The following AGBL4 variants were observed in gnomAD, a reference collection of about 807,000 sequenced individuals.
The protein encoded by AGBL4 is cytosolic carboxypeptidase 6.
A neutral mutation model predicts 66.4 loss-of-function variants in AGBL4; 58 were observed. The observed-to-expected ratio is 0.87, with a 90% CI of 0.71 to 1.09. The LOEUF is 1.09. Among genes scored for constraint, AGBL4 ranks in the 50% least tolerant of loss-of-function variants. The pLI is 0.00. For missense variants in AGBL4, 579 were observed against 631.0 expected (o/e 0.92, Z 0.88); for synonymous variants, 234 against 222.9 (o/e 1.05, Z -0.44).
intron 3 of AGBL4, among the ~76,000 whole-genome samples, chr1:49,653,717 G>A (rs1458666982): frequency 2.0e-5 from 3 of 151,306 alleles, no homozygotes; most frequent in Non-Finnish European, 2.9e-5. Context: ...CAGAAGAAAG[G>A]ATATAAGAGC....
intron 6 of AGBL4, among the ~76,000 whole-genome samples, chr1:48,802,603 T>C (rs1645834987): frequency 2.6e-5 from 4 of 152,330 alleles, no homozygotes; most frequent in Admixed American, 1.3e-4. Context: ...GGAAGTATGC[T>C]GGGGGCTTCA....
At position 49,492,575 on chromosome 1, in the gene AGBL4, T is replaced by C. The variant is rs1377765587; in HGVS notation, c.282+204738A>G. Reference sequence around the variant, plus strand: ...TGCATCTGTGTTCCTTTTTACCACATATAGGTTTGGTCACTGTATTAATAG... The same window carrying C: ...TGCATCTGTGTTCCTTTTTACCACACATAGGTTTGGTCACTGTATTAATAG... On this transcript the variant is annotated intron_variant, in intron 3 of 13. Transcript: ENST00000371839. 3.3e-5 allele frequency among the ~76,000 whole-genome samples: 5 copies of C among 151,952 alleles called. No individual in the cohort carries two copies. In the East Asian group the frequency reaches 7.7e-4, roughly 24 times the overall value.
chr1:49,383,282 G>A (rs375913651), intron 3 of AGBL4, among the ~76,000 whole-genome samples: 1 of 151,948 alleles, frequency 6.6e-6, no homozygotes, highest in East Asian at 1.9e-4. Flanking sequence ...TCATTATTTT[G>A]CAGAAATACA....
intron 3 of AGBL4, among the ~76,000 whole-genome samples, chr1:49,564,521 G>C (rs1644140807): frequency 6.6e-6 from 1 of 151,938 alleles, no homozygotes; most frequent in Admixed American, 6.6e-5. Flanking sequence ...TCTTCTCGTT[G>C]GTTTCAAAGA....
chr1:49,603,479 C>T lies in AGBL4; in HGVS notation c.282+93834G>A, dbSNP rs567558379. Among the ~76,000 whole-genome samples the T allele has an allele frequency of 4.0e-5, 6 of 151,108 alleles. No homozygotes were observed. In the South Asian group the frequency reaches 1.0e-3, roughly 26 times the overall value. On this transcript the variant is annotated intron_variant, in intron 3 of 13. Transcript: ENST00000371839. The stretch of plus-strand genomic sequence containing the variant: ...GGCAGAGCTTGCAGTGAGCAGAGAT[C>T]GCACCACTGCACTCCAGCCTGGGCG...
intron 2 of AGBL4, among the ~76,000 whole-genome samples, chr1:49,819,165 C>G (rs1399285661): frequency 6.6e-6 from 1 of 152,258 alleles, no homozygotes; most frequent in East Asian, 1.9e-4. Context: ...TTCCAGGGCA[C>G]AGGGTAGAAT....
Position 48,757,485 on chromosome 1 carries a change from G to A in AGBL4, c.635-94244C>T, listed in dbSNP as rs1486678516. ...TGGCCAAGGCAATGGTAGAGTTGGG[G>A]AGTGGACAAAGTCCAGCCTATGAAT... On this transcript the variant is annotated intron_variant, in intron 6 of 13. Coordinates refer to ENST00000371839, the MANE Select transcript of AGBL4 (RefSeq NM_032785.4). Among the ~76,000 whole-genome samples, 5 of 152,186 alleles carry A rather than the reference G, an allele frequency of 3.3e-5. No homozygotes were observed. In the South Asian group the frequency reaches 6.2e-4, roughly 19 times the overall value.
chr1:48,925,579 CA>C (rs1290825998), intron 5 of AGBL4, among the ~76,000 whole-genome samples: 1 of 152,072 alleles, frequency 6.6e-6, no homozygotes, highest in East Asian at 1.9e-4. Flanking sequence ...TGGCCCAAGA[CA>C]ATTATTCTTC....
Position 48,825,749 on chromosome 1 carries a change from G to T in AGBL4, c.634+41442C>A, listed in dbSNP as rs150912112. On this transcript the variant is annotated intron_variant, in intron 6 of 13. Transcript: ENST00000371839. ...AATGCATCATATATGCAAGTACCAAGTGAAAAACTCAGAGCATCTAAGAGA... is the reference window on the plus strand; with the variant it reads ...AATGCATCATATATGCAAGTACCAATTGAAAAACTCAGAGCATCTAAGAGA... Among the ~76,000 whole-genome samples the T allele has an allele frequency of 5.0e-4, 76 of 152,298 alleles. 1 individual carries two copies. In the South Asian group the frequency reaches 0.01, roughly 20 times the overall value.
intron 4 of AGBL4, among the ~76,000 whole-genome samples, chr1:49,049,223 CCAT>C (rs1169787945): frequency 1.3e-5 from 2 of 152,100 alleles, no homozygotes; most frequent in Non-Finnish European, 2.9e-5. Flanking sequence ...GCCTTCCCCA[CCAT>C]CTTGCATACT....
At chr1:48,568,328 A>T (rs1005030572) in intron 11 of AGBL4, among the ~76,000 whole-genome samples, 1 of 151,898 alleles carries the variant, frequency 6.6e-6, no homozygotes, top group Non-Finnish European at 1.5e-5. Flanking sequence ...ACCAGTCTGC[A>T]GGTGGCTGGT....
intron 3 of AGBL4, among the ~76,000 whole-genome samples, chr1:49,270,640 G>A (rs561149841): frequency 5.9e-5 from 9 of 152,112 alleles, no homozygotes; most frequent in African/African-American, 2.2e-4. Flanking sequence ...TTGTGGGGTG[G>A]GGGATCTTTA....
chr1:49,816,809 G>A (rs1432276825), intron 2 of AGBL4, among the ~76,000 whole-genome samples: 1 of 152,176 alleles, frequency 6.6e-6, no homozygotes, highest in African/African-American at 2.4e-5. Context: ...ACATTATGCT[G>A]TGGTCAAGAA....
At chr1:49,352,819 G>A (rs1643938414) in intron 3 of AGBL4, among the ~76,000 whole-genome samples, 1 of 152,170 alleles carries the variant, frequency 6.6e-6, no homozygotes, top group African/African-American at 2.4e-5. Context: ...CATAATAATT[G>A]TCCTTATTTT....
chr1:49,133,675 T>C (rs1645946970), intron 4 of AGBL4, among the ~76,000 whole-genome samples: 1 of 152,108 alleles, frequency 6.6e-6, no homozygotes, highest in Admixed American at 6.6e-5. Context: ...TAAGGAGCAG[T>C]TTGACAATAT....
intron 4 of AGBL4, among the ~76,000 whole-genome samples, chr1:49,238,763 G>A (rs896879873): frequency 8.5e-5 from 13 of 152,056 alleles, no homozygotes; most frequent in Non-Finnish European, 1.2e-4. Context: ...CCCTTTTTCT[G>A]GTCCTTCATT....
At chr1:48,987,361 G>C (rs749040012) in intron 5 of AGBL4, among the ~76,000 whole-genome samples, 2 of 152,004 alleles carry the variant, frequency 1.3e-5, no homozygotes, top group African/African-American at 4.8e-5. Flanking sequence ...AAAAGCTGAA[G>C]TGGCCATATT....
intron 4 of AGBL4, among the ~76,000 whole-genome samples, chr1:49,177,351 A>T (rs1400383179): frequency 1.3e-5 from 2 of 152,180 alleles, no homozygotes; most frequent in East Asian, 3.9e-4. Context: ...TTACCATCTA[A>T]TCATTCCTAT....
chr1:49,775,438 A>G (rs1644171493), intron 2 of AGBL4, among the ~76,000 whole-genome samples: 1 of 152,140 alleles, frequency 6.6e-6, no homozygotes, highest in Non-Finnish European at 1.5e-5. Context: ...TAGTTATATA[A>G]ATGTGCAAAT....
Sources: allele counts gnomAD v4.1 joint callset (sites outside exome capture counted in the v4.1 genomes callset), GRCh38; gene constraint gnomAD v4.1.1; transcripts MANE v1.5; gene names NCBI Gene and HGNC (gene_info 2026-07-23, HGNC 2026-07-21).